NPAS3: variants seen among roughly 807,000 people sequenced by gnomAD.
The protein encoded by NPAS3 is neuronal PAS domain protein 3.
A neutral mutation model predicts 73.1 loss-of-function variants in NPAS3; 14 were observed. The observed-to-expected ratio is 0.19, with a 90% CI of 0.13 to 0.30. NPAS3 has a LOEUF of 0.30. Ranked by LOEUF, NPAS3 falls within the 10% of genes least tolerant of loss-of-function variation. NPAS3 has a pLI of 1.00. For synonymous variants in NPAS3, 620 were observed against 541.5 expected, an observed-to-expected ratio of 1.14 and a Z score of -2.01; for missense variants, 1,096 against 1,250.0, an observed-to-expected ratio of 0.88 and a Z score of 1.86.
intron 4 of NPAS3, among the ~76,000 whole-genome samples, chr14:33,531,645 A>G (rs1214887701): frequency 6.6e-6 from 1 of 152,090 alleles, no homozygotes; most frequent in African/African-American, 2.4e-5. Context: ...ATATTTGTGC[A>G]CAGATTTTTG....
At chr14:33,347,631 G>A (rs546990076) in intron 3 of NPAS3, among the ~76,000 whole-genome samples, 1 of 152,136 alleles carries the variant, frequency 6.6e-6, no homozygotes, top group Non-Finnish European at 1.5e-5. Context: ...GTATCCATGG[G>A]GAATTGGTTC....
intron 1 of NPAS3, among the ~76,000 whole-genome samples, chr14:33,037,984 T>G (rs1013511258): frequency 6.6e-6 from 1 of 152,218 alleles, no homozygotes. Context: ...TCACTTGATT[T>G]CCATCTAACT....
intron 2 of NPAS3, among the ~76,000 whole-genome samples, chr14:33,121,925 G>A (rs10483424): frequency 0.028 from 4,312 of 152,212 alleles, 110 homozygotes; most frequent in African/African-American, 0.07. Context: ...GATGACAGAA[G>A]TTTATCTTTG....
intron 5 of NPAS3, among the ~76,000 whole-genome samples, chr14:33,616,565 C>T (rs536759202): frequency 1.3e-5 from 2 of 152,076 alleles, no homozygotes; most frequent in Non-Finnish European, 2.9e-5. Flanking sequence ...GGTTGAGTTG[C>T]GGCTGGGATA....
chr14:33,723,510 C>G (rs1231147537), intron 6 of NPAS3, among the ~76,000 whole-genome samples: 1 of 152,022 alleles, frequency 6.6e-6, no homozygotes, highest in Non-Finnish European at 1.5e-5. Context: ...AACTTTTCTA[C>G]AAGCCTCACG....
At chr14:33,100,501 G>C (rs1265969468) in intron 2 of NPAS3, among the ~76,000 whole-genome samples, 1 of 152,056 alleles carries the variant, frequency 6.6e-6, no homozygotes, top group Admixed American at 6.6e-5. Context: ...GACATTTGTA[G>C]CTACATTTAT....
intron 4 of NPAS3, among the ~76,000 whole-genome samples, chr14:33,399,379 C>T (rs966550839): frequency 6.6e-6 from 1 of 151,924 alleles, no homozygotes; most frequent in Non-Finnish European, 1.5e-5. Flanking sequence ...CAAGGTAAGG[C>T]AGATGTCCCT....
chr14:33,621,892 A>G (rs2058085740), intron 5 of NPAS3, among the ~76,000 whole-genome samples: 1 of 152,206 alleles, frequency 6.6e-6, no homozygotes, highest in Non-Finnish European at 1.5e-5. Flanking sequence ...ACAGTACAAA[A>G]TGCCATTTCT....
At chr14:33,361,045 G>C (rs539120090) in intron 3 of NPAS3, among the ~76,000 whole-genome samples, 2 of 152,162 alleles carry the variant, frequency 1.3e-5, no homozygotes, top group Non-Finnish European at 2.9e-5. Context: ...TATGTAGCCC[G>C]TGTGAGGGAC....
At chr14:33,391,752 A>G (rs1477478828) in intron 4 of NPAS3, among the ~76,000 whole-genome samples, 1 of 152,178 alleles carries the variant, frequency 6.6e-6, no homozygotes, top group Non-Finnish European at 1.5e-5. Context: ...CTTGTAGTTA[A>G]TCCTACTGGA....
At chr14:33,149,689 G>GA (rs1566612525) in intron 2 of NPAS3, among the ~76,000 whole-genome samples, 1 of 152,128 alleles carries the variant, frequency 6.6e-6, no homozygotes, top group African/African-American at 2.4e-5. Context: ...CAGTAATGTA[G>GA]AAAGCCTTTA....
intron 5 of NPAS3, among the ~76,000 whole-genome samples, chr14:33,617,280 C>T (rs2057948324): frequency 6.6e-6 from 1 of 152,168 alleles, no homozygotes. Context: ...TAATGTATTC[C>T]ATTTACTGAC....
chr14:32,954,517 T>A (rs2036599738), intron 1 of NPAS3, among the ~76,000 whole-genome samples: 1 of 152,180 alleles, frequency 6.6e-6, no homozygotes, highest in African/African-American at 2.4e-5. Flanking sequence ...TGACATTCTT[T>A]TACCATGTTA....
intron 4 of NPAS3, among the ~76,000 whole-genome samples, chr14:33,503,487 A>G (rs1402647002): frequency 6.6e-6 from 1 of 151,952 alleles, no homozygotes; most frequent in Non-Finnish European, 1.5e-5. Context: ...AAACCGAGTG[A>G]TACCTTTGGA....
chr14:33,087,647 C>A (rs943497533), intron 2 of NPAS3, among the ~76,000 whole-genome samples: 1 of 152,070 alleles, frequency 6.6e-6, no homozygotes, highest in African/African-American at 2.4e-5. Context: ...TAATGCCAGT[C>A]ATGGTTGGGG....
downstream of NPAS3, chr14:33,802,376 T>TAAAAAAAAAAAAAAAAAAAAAAA (rs71293230): frequency 2.7e-4 from 26 of 95,632 alleles, no homozygotes; most frequent in East Asian, 6.9e-4. Flanking sequence ...GCACATTAAG[T>TAAAAAAAAAAAAAAAAAAAAAAA]AAAAAAAAAA....
chr14:33,786,068 A>T (rs144489902), intron 9 of NPAS3, among the ~76,000 whole-genome samples: 2 of 152,308 alleles, frequency 1.3e-5, no homozygotes, highest in African/African-American at 4.8e-5. Context: ...TAAGCCACTC[A>T]CTGGCAAGCG....
chr14:32,941,593 T>G (rs2036018302), intron 1 of NPAS3, among the ~76,000 whole-genome samples: 1 of 151,936 alleles, frequency 6.6e-6, no homozygotes, highest in Non-Finnish European at 1.5e-5. Context: ...ACTTGAGAGC[T>G]GAACTAAATA....
At chr14:33,463,902 T>A (rs2050386259) in intron 4 of NPAS3, among the ~76,000 whole-genome samples, 1 of 151,914 alleles carries the variant, frequency 6.6e-6, no homozygotes, top group African/African-American at 2.4e-5. Flanking sequence ...GGATGGGAGG[T>A]TTTTGTGGCT....
Sources: allele counts gnomAD v4.1 joint callset (sites outside exome capture counted in the v4.1 genomes callset), GRCh38; gene constraint gnomAD v4.1.1; transcripts MANE v1.5; gene names NCBI Gene and HGNC (gene_info 2026-07-23, HGNC 2026-07-21).